Variants in LIMK1 observed in about 807,000 individuals in gnomAD.
LIMK1 encodes LIM motif-containing protein kinase.
A neutral mutation model predicts 77.6 loss-of-function variants in LIMK1; 21 were observed. The observed-to-expected ratio is 0.27, with a 90% CI of 0.19 to 0.39. The LOEUF (loss-of-function observed/expected upper bound fraction) is 0.39, where lower values mean the gene tolerates loss of function less well. Among genes scored for constraint, LIMK1 ranks in the 10% least tolerant of loss-of-function variants. The probability of loss-of-function intolerance (pLI) is 1.00; values close to 1 mark genes in which losing one functional copy is unlikely to be tolerated. For missense variants in LIMK1, 696 were observed against 901.6 expected (o/e 0.77, Z 2.92); for synonymous variants, 358 against 370.0 (o/e 0.97, Z 0.37).
At chr7:74,085,676 G>A in intron 1 of LIMK1, 72 bp from the exon 2 acceptor site, 8 of 1,206,584 alleles carry the variant, frequency 6.6e-6, no homozygotes, top group South Asian at 3.9e-5. Flanking sequence ...ATGTGGGGTG[G>A]GCAGGGCAAG....
At position 74,107,102 on chromosome 7, in the gene LIMK1, G is replaced by T. The variant is rs782450849; in HGVS notation, c.974G>T (p.Arg325Leu). 6 of 1,612,200 alleles carry T rather than the reference G, an allele frequency of 3.7e-6. No homozygotes were observed. The African/African-American group carries it at 4.0e-5, about 11-fold the overall frequency. ...GACCTGGGTCGCTCTGAGTCCCTCC[G>T]CGTAGTCTGCCGGCCACACCGCATC... is the stretch of plus-strand genomic sequence containing the variant. The part of the protein sequence containing the change: ...RKDLGRSESL[R>L]VVCRPHRIFR... The change falls in exon 8 of 16, where the codon CGC becomes CTC. Residue 325 changes from arginine (R) to leucine (L), a missense_variant. By Grantham distance (102) the Arg-to-Leu change is moderately radical. Around this residue, in one of 3 missense-constraint regions of LIMK1, gnomAD observed 438 missense variants for 602.3 expected, o/e 0.73. Transcript: ENST00000336180.
intron 8 of LIMK1, among the ~76,000 whole-genome samples, 155 bp downstream of exon 8, chr7:74,107,348 GAACAGGGGAC>G (rs1421467445): frequency 6.6e-6 from 1 of 152,096 alleles, no homozygotes; most frequent in Non-Finnish European, 1.5e-5. Flanking sequence ...AGCTAATTAG[GAACAGGGGAC>G]CTCCTACAGG....
chr7:74,096,668 G>T lies in LIMK1; in HGVS notation c.199G>T (p.Asp67Tyr). 1 of 1,614,110 alleles carries T rather than the reference G, an allele frequency of 6.2e-7. No individual in the cohort carries two copies. The highest frequency in any genetic ancestry group is 8.5e-7 in the Non-Finnish European group (1 of 1,180,024). Residue 67 changes from aspartate (D) to tyrosine (Y), a missense_variant, in exon 3 of 16, where the codon GAT becomes TAT. Physicochemically the swap from Asp to Tyr is radical, Grantham distance 160. Around this residue, in one of 3 missense-constraint regions of LIMK1, gnomAD observed 252 missense variants for 279.4 expected, o/e 0.90. Coordinates refer to ENST00000336180, the MANE Select transcript of LIMK1 (RefSeq NM_002314.4). The stretch of plus-strand genomic sequence containing the variant: ...CCTGTCGCACCAGTACTATGAGAAG[G>T]ATGGGCAGCTCTTCTGCAAGAAGGA... ...ASLSHQYYEK[D>Y]GQLFCKKDYW... is the part of the protein sequence containing the mutation.
chr7:74,098,474 C>G (rs1799379957), intron 4 of LIMK1, among the ~76,000 whole-genome samples: 1 of 152,218 alleles, frequency 6.6e-6, no homozygotes, highest in Non-Finnish European at 1.5e-5. Flanking sequence ...AGCGAGTAGA[C>G]AGACCCGAAT....
At chr7:74,097,890 G>A (rs1799368510) in intron 4 of LIMK1, among the ~76,000 whole-genome samples, 1 of 152,180 alleles carries the variant, frequency 6.6e-6, no homozygotes, top group Non-Finnish European at 1.5e-5. Context: ...CCAAGACCCT[G>A]CCAAGTTTGA....
intron 4 of LIMK1, among the ~76,000 whole-genome samples, chr7:74,098,192 T>C (rs545944455): frequency 9.9e-4 from 151 of 152,296 alleles, no homozygotes; most frequent in African/African-American, 3.6e-3. Flanking sequence ...CCTCTTCAAA[T>C]CACATGATGT....
At chr7:74,104,080 A>G (rs1347538511) in intron 5 of LIMK1, among the ~76,000 whole-genome samples, 2 of 151,972 alleles carry the variant, frequency 1.3e-5, no homozygotes, top group East Asian at 3.9e-4. Context: ...GGAGTGTGCC[A>G]CCATGCTCAG....
chr7:74,121,460 C>G lies in LIMK1; in HGVS notation c.*159C>G. ...TCTCCCACCCCGTGGACCGCTTCCC[C>G]TGCCTTCTCTCTGCCGTGGCCCAGA... On this transcript the variant is annotated 3_prime_UTR_variant, in exon 16 of 16. Transcript: ENST00000336180. 1.4e-6 allele frequency: 1 copy of G among 709,202 alleles called. No individual in the cohort carries two copies. The allele number at this position is 709,202 out of a possible 1,614,324, so 43.9% of individuals were successfully genotyped here. A position where few individuals can be genotyped will look rare whatever the true frequency, so the allele number is the denominator to read the frequency against.
intron 2 of LIMK1, among the ~76,000 whole-genome samples, chr7:74,090,392 A>G (rs1554694608): frequency 6.6e-6 from 1 of 151,954 alleles, no homozygotes. Context: ...AAAAGTCTCA[A>G]TATGGGGAAA....
At chr7:74,101,227 A>G (rs1799453489) in intron 5 of LIMK1, among the ~76,000 whole-genome samples, 3 of 152,198 alleles carry the variant, frequency 2.0e-5, no homozygotes, top group Non-Finnish European at 4.4e-5. Context: ...TGATGAGCAG[A>G]CAGCTGCTTG....
intron 2 of LIMK1, among the ~76,000 whole-genome samples, chr7:74,088,566 C>T (rs1231706019): frequency 6.6e-6 from 1 of 151,750 alleles, no homozygotes; most frequent in Non-Finnish European, 1.5e-5. Context: ...TTTGGGAGGC[C>T]GAGGCAGGCA....
chr7:74,093,429 G>C (rs375981341), intron 2 of LIMK1: 1 of 1,162,986 alleles, frequency 8.6e-7, no homozygotes, highest in East Asian at 2.6e-5. Flanking sequence ...GGTTACTGTC[G>C]GCTGCAGCCT....
At chr7:74,102,302 A>C (rs950786939) in intron 5 of LIMK1, among the ~76,000 whole-genome samples, 4 of 151,956 alleles carry the variant, frequency 2.6e-5, no homozygotes, top group African/African-American at 9.7e-5. Context: ...CATATTTGGG[A>C]GTTATATGTG....
intron 2 of LIMK1, chr7:74,093,166 C>T: frequency 1.3e-6 from 2 of 1,518,206 alleles, no homozygotes; most frequent in Non-Finnish European, 8.8e-7. Flanking sequence ...AATCCTGAGC[C>T]CCTGAGGGAG....
chr7:74,117,972 G>A (rs1554699858), intron 13 of LIMK1, among the ~76,000 whole-genome samples: 1 of 151,720 alleles, frequency 6.6e-6, no homozygotes, highest in African/African-American at 2.4e-5. Context: ...CCCGGGTGTG[G>A]TGGCACAGCT....
rs972622864 is a variant in LIMK1, at chr7:74,084,377, C to T, written c.55+332C>T. ...CACCACCCGGGCCTCGCCCTGGGGC[C>T]ACCCTTTATCCAGTCTCGGAAGAAA... On this transcript the variant is annotated intron_variant, in intron 1 of 15. Transcript: ENST00000336180. 4.6e-5 allele frequency among the ~76,000 whole-genome samples: 7 copies of T among 152,188 alleles called. No homozygotes were observed. The East Asian group carries it at 1.4e-3, about 29-fold the overall frequency.
chr7:74,102,636 A>G (rs1799490324), intron 5 of LIMK1, among the ~76,000 whole-genome samples: 1 of 151,150 alleles, frequency 6.6e-6, no homozygotes, highest in African/African-American at 2.4e-5. Context: ...GGCACGGGCC[A>G]CCACGCCTGG....
At chr7:74,109,080 G>C in intron 10 of LIMK1, 44 bp downstream of exon 10, 1 of 1,485,878 alleles carries the variant, frequency 6.7e-7, no homozygotes, top group Admixed American at 1.9e-5. Context: ...TGCGGCCCCG[G>C]GCAAAGCAGC....
At chr7:74,106,511 A>C (rs1799577525) in intron 7 of LIMK1, among the ~76,000 whole-genome samples, 1 of 152,218 alleles carries the variant, frequency 6.6e-6, no homozygotes, top group Non-Finnish European at 1.5e-5. Context: ...CTGTAATCCC[A>C]GCACTTTGGG....
Sources: allele counts gnomAD v4.1 joint callset (sites outside exome capture counted in the v4.1 genomes callset), GRCh38; gene constraint gnomAD v4.1.1; regional missense constraint gnomAD v4.1.1; transcripts MANE v1.5; gene names NCBI Gene and HGNC (gene_info 2026-07-23, HGNC 2026-07-21).